The following PCDH7 variants were observed in gnomAD, a reference collection of about 807,000 sequenced individuals.
PCDH7 encodes protocadherin-7.
Under a neutral mutation model 58.9 loss-of-function variants are expected in PCDH7, and 17 were observed. The observed-to-expected ratio is 0.29, with a 90% CI of 0.20 to 0.43. The LOEUF (loss-of-function observed/expected upper bound fraction) is 0.43. Ranked by LOEUF, PCDH7 falls within the 20% of genes least tolerant of loss-of-function variation. The pLI is 1.00. For missense variants in PCDH7, 1,274 were observed against 1,441.0 expected (o/e 0.88, Z 1.88); for synonymous variants, 664 against 616.4 (o/e 1.08, Z -1.14).
chr4:30,736,567 G>T (rs1281060335), downstream of PCDH7, among the ~76,000 whole-genome samples: 5 of 139,310 alleles, frequency 3.6e-5, no homozygotes, highest in Non-Finnish European at 6.1e-5. Context: ...ACGGGGTCTC[G>T]CTCTGCCGCC....
intron 1 of PCDH7, among the ~76,000 whole-genome samples, chr4:30,824,496 G>GC (rs1728857708): frequency 6.6e-6 from 1 of 151,998 alleles, no homozygotes; most frequent in Non-Finnish European, 1.5e-5. Flanking sequence ...CAAAAATGAA[G>GC]CCCCCAAACC....
At chr4:31,091,709 C>T (rs547444166) in intron 3 of PCDH7, among the ~76,000 whole-genome samples, 1 of 151,872 alleles carries the variant, frequency 6.6e-6, no homozygotes, top group Admixed American at 6.6e-5. Flanking sequence ...TTGTGAGGAA[C>T]ATTTACTGAA....
intron 1 of PCDH7, among the ~76,000 whole-genome samples, chr4:30,854,456 G>T (rs986525685): frequency 6.6e-6 from 1 of 151,424 alleles, no homozygotes; most frequent in Admixed American, 6.6e-5. Context: ...TTTGTTTTGG[G>T]TTTTTTGTGG....
chr4:30,753,612 C>G (rs1718863085), intron 1 of PCDH7, among the ~76,000 whole-genome samples: 1 of 152,158 alleles, frequency 6.6e-6, no homozygotes, highest in Non-Finnish European at 1.5e-5. Flanking sequence ...TTGGGCTAAG[C>G]TTCCATGGCA....
intron 2 of PCDH7, among the ~76,000 whole-genome samples, chr4:30,942,053 T>C (rs1746102909): frequency 6.6e-6 from 1 of 151,956 alleles, no homozygotes; most frequent in African/African-American, 2.4e-5. Flanking sequence ...GACTTTATGC[T>C]ACTTGATGAC....
At chr4:30,949,327 T>C (rs1019361262) in intron 2 of PCDH7, among the ~76,000 whole-genome samples, 1 of 152,126 alleles carries the variant, frequency 6.6e-6, no homozygotes, top group Non-Finnish European at 1.5e-5. Context: ...AAATAAATTC[T>C]AAGAGAAAAA....
At chr4:30,805,440 T>TG (rs1726069392) in intron 1 of PCDH7, among the ~76,000 whole-genome samples, 1 of 152,192 alleles carries the variant, frequency 6.6e-6, no homozygotes, top group Non-Finnish European at 1.5e-5. Flanking sequence ...CATGGGGTTT[T>TG]GGGGAGGATT....
chr4:31,036,318 G>A (rs6843327), intron 3 of PCDH7, among the ~76,000 whole-genome samples: 3 of 151,534 alleles, frequency 2.0e-5, no homozygotes, highest in East Asian at 3.9e-4. Context: ...CCTCAGTAGC[G>A]GGGATTACAG....
In PCDH7 at chr4:30,781,714, T is replaced by G. The variant is rs1338099686; in HGVS notation, c.70+57118T>G. On this transcript the variant is annotated intron_variant, in intron 1 of 3. Transcript: ENST00000509759. ...ACCATGCCCGGCTAATTTTGTATTT[T>G]CAGTAGAAACGGTGTTTCTCCATGT... 2.0e-5 allele frequency among the ~76,000 whole-genome samples: 3 copies of G among 151,934 alleles called. No homozygotes were observed. In the East Asian group the frequency reaches 5.8e-4, roughly 30 times the overall value.
At chr4:30,944,197 A>T (rs1291465649) in intron 2 of PCDH7, among the ~76,000 whole-genome samples, 2 of 152,144 alleles carry the variant, frequency 1.3e-5, no homozygotes, top group Admixed American at 6.6e-5. Context: ...AGTGCAACAG[A>T]TTGAATTCAG....
intron 2 of PCDH7, among the ~76,000 whole-genome samples, chr4:30,930,669 T>C (rs138758885): frequency 7.2e-5 from 11 of 152,254 alleles, no homozygotes; most frequent in Admixed American, 3.9e-4. Context: ...AGGTGGCTAA[T>C]GCCTGTAATT....
exon 2 of PCDH7, chr4:30,730,846 G>A (rs1033726056): frequency 3.0e-5 from 46 of 1,532,552 alleles, no homozygotes; most frequent in African/African-American, 8.4e-5. Flanking sequence ...TTTCTACTCC[G>A]AAACCTGCTG....
chr4:30,852,819 T>A (rs1732932774), intron 1 of PCDH7, among the ~76,000 whole-genome samples: 1 of 110,544 alleles, frequency 9.0e-6, no homozygotes, highest in Non-Finnish European at 1.7e-5. Context: ...CTCAGGTCTA[T>A]CAAGCACAGG....
intron 3 of PCDH7, among the ~76,000 whole-genome samples, chr4:31,011,750 C>CATTT (rs1753203111): frequency 6.6e-6 from 1 of 151,850 alleles, no homozygotes; most frequent in Non-Finnish European, 1.5e-5. Context: ...ACTGTAAACA[C>CATTT]ATTTATTTAT....
intron 3 of PCDH7, among the ~76,000 whole-genome samples, chr4:31,076,786 C>T (rs988629874): frequency 1.3e-5 from 2 of 152,096 alleles, no homozygotes; most frequent in Non-Finnish European, 2.9e-5. Context: ...TAATACACCA[C>T]ATTAACAGAT....
chr4:30,929,506 A>C (rs888043145), intron 2 of PCDH7, among the ~76,000 whole-genome samples: 5 of 152,324 alleles, frequency 3.3e-5, no homozygotes, highest in African/African-American at 1.2e-4. Context: ...TCTGAAATGC[A>C]TGCAAATTTA....
chr4:30,818,087 A>C (rs1426657085), intron 1 of PCDH7, among the ~76,000 whole-genome samples: 2 of 152,082 alleles, frequency 1.3e-5, no homozygotes, highest in African/African-American at 4.8e-5. Flanking sequence ...TAGCCTTTTG[A>C]GCCATTTCTT....
intron 1 of PCDH7, among the ~76,000 whole-genome samples, chr4:30,864,116 C>CT (rs36090621): frequency 0.093 from 14,045 of 151,030 alleles, 773 homozygotes; most frequent in Non-Finnish European, 0.12. Context: ...AAGACCATCT[C>CT]TTTTTTTTTG....
chr4:31,080,235 C>A (rs1399471882), intron 3 of PCDH7, among the ~76,000 whole-genome samples: 1 of 151,908 alleles, frequency 6.6e-6, no homozygotes, highest in Non-Finnish European at 1.5e-5. Flanking sequence ...GATTTTGCTT[C>A]TTTCCCCCTA....
Sources: gnomAD v4.1 joint callset for allele counts (sites outside exome capture counted in the v4.1 genomes callset) on GRCh38, gnomAD v4.1.1 for gene constraint, MANE v1.5 for transcripts, NCBI Gene and HGNC (gene_info 2026-07-23, HGNC 2026-07-21) for gene names.